CADPS: variants seen among roughly 807,000 people sequenced by gnomAD.
CADPS encodes the protein calcium-dependent secretion activator 1.
CADPS carries 57 observed loss-of-function variants against 167.3 expected under a neutral mutation model. That is an observed-to-expected ratio of 0.34 (90% CI 0.28 to 0.42). CADPS has a LOEUF of 0.42. Among genes scored for constraint, CADPS ranks in the 20% least tolerant of loss-of-function variants. The pLI is 1.00. For synonymous variants in CADPS, 676 were observed against 635.3 expected (o/e 1.06, Z -0.96); for missense variants, 1,414 against 1,738.1 (o/e 0.81, Z 3.32).
chr3:62,702,419 A>C (rs2081563797), intron 3 of CADPS, among the ~76,000 whole-genome samples: 2 of 152,156 alleles, frequency 1.3e-5, no homozygotes, highest in African/African-American at 2.4e-5. Flanking sequence ...GAAGAATGAT[A>C]GTGGAGTTCA....
intron 22 of CADPS, among the ~76,000 whole-genome samples, chr3:62,479,859 G>A (rs533762678): frequency 6.6e-6 from 1 of 152,314 alleles, no homozygotes; most frequent in South Asian, 2.1e-4. Flanking sequence ...TTGTTTCTCC[G>A]TGAAAGTTCA....
chr3:62,825,199 G>T (rs1304341711), intron 1 of CADPS, among the ~76,000 whole-genome samples: 1 of 152,102 alleles, frequency 6.6e-6, no homozygotes, highest in East Asian at 1.9e-4. Flanking sequence ...TTTATTTTAT[G>T]GGTGGGAGGG....
chr3:62,448,188 G>C (rs951407425), intron 26 of CADPS, among the ~76,000 whole-genome samples: 9 of 152,204 alleles, frequency 5.9e-5, no homozygotes, highest in Non-Finnish European at 1.0e-4. Flanking sequence ...AGCATCGGTG[G>C]TCAGAGCAGG....
intron 6 of CADPS, among the ~76,000 whole-genome samples, chr3:62,609,960 G>A (rs1179739157): frequency 6.6e-6 from 1 of 151,934 alleles, no homozygotes; most frequent in Non-Finnish European, 1.5e-5. Context: ...GTGGTGGTCC[G>A]TGCCTATAGT....
chr3:62,643,981 G>A (rs1281859027), intron 6 of CADPS, among the ~76,000 whole-genome samples: 1 of 152,184 alleles, frequency 6.6e-6, no homozygotes, highest in East Asian at 1.9e-4. Context: ...GAGGAAGGGT[G>A]ACGTGTGACA....
intron 1 of CADPS, among the ~76,000 whole-genome samples, chr3:62,788,537 C>A (rs1468645741): frequency 6.6e-6 from 1 of 152,124 alleles, no homozygotes; most frequent in Non-Finnish European, 1.5e-5. Flanking sequence ...GAAGACGTAT[C>A]AGAATGATCT....
chr3:62,553,084 C>T (rs184852967), intron 10 of CADPS, among the ~76,000 whole-genome samples: 3 of 152,246 alleles, frequency 2.0e-5, no homozygotes, highest in Admixed American at 1.3e-4. Context: ...AGCCTAGTCT[C>T]GTGGTATCCT....
At chr3:62,407,877 G>T (rs575391552) in intron 28 of CADPS, among the ~76,000 whole-genome samples, 1 of 152,246 alleles carries the variant, frequency 6.6e-6, no homozygotes, top group South Asian at 2.1e-4. Context: ...GGGACTACAG[G>T]TACAAGCCAC....
intron 21 of CADPS, 144 bp from the exon 22 acceptor site, chr3:62,482,013 C>A: frequency 1.3e-6 from 1 of 774,066 alleles, no homozygotes; most frequent in South Asian, 1.7e-5. Context: ...CAGAAAGCAG[C>A]TTACAGATGG....
chr3:62,483,006 A>G (rs1366512112), intron 21 of CADPS, among the ~76,000 whole-genome samples: 1 of 152,028 alleles, frequency 6.6e-6, no homozygotes, highest in East Asian at 1.9e-4. Context: ...CTTTGGAAGG[A>G]CGGTGTCATA....
chr3:62,626,335 G>T, intron 6 of CADPS: 1 of 465,944 alleles, frequency 2.1e-6, no homozygotes. Flanking sequence ...TTGCAAGCTG[G>T]CACGGATTTA....
chr3:62,637,741 T>C (rs1347080601), intron 6 of CADPS, among the ~76,000 whole-genome samples: 1 of 152,208 alleles, frequency 6.6e-6, no homozygotes, highest in Non-Finnish European at 1.5e-5. Flanking sequence ...GGATGAAAAG[T>C]ACAGGCTTTG....
At chr3:62,680,058 G>T (rs932886194) in intron 3 of CADPS, among the ~76,000 whole-genome samples, 3 of 151,918 alleles carry the variant, frequency 2.0e-5, no homozygotes, top group South Asian at 2.1e-4. Flanking sequence ...GCCACTAAAG[G>T]TTACTTAGGA....
intron 18 of CADPS, among the ~76,000 whole-genome samples, chr3:62,493,884 T>G (rs1313283909): frequency 6.6e-6 from 1 of 152,248 alleles, no homozygotes; most frequent in Non-Finnish European, 1.5e-5. Context: ...GAATGTAGCC[T>G]ATAATTGGAC....
intron 1 of CADPS, among the ~76,000 whole-genome samples, chr3:62,822,878 A>G (rs1250767002): frequency 6.6e-6 from 1 of 152,024 alleles, no homozygotes; most frequent in Non-Finnish European, 1.5e-5. Flanking sequence ...TAAATTAAAA[A>G]AATAAAAGAG....
chr3:62,716,949 T>C (rs1373476969), intron 3 of CADPS, among the ~76,000 whole-genome samples: 1 of 152,212 alleles, frequency 6.6e-6, no homozygotes. Flanking sequence ...ATTAAAAGAC[T>C]AGTGAAGCTC....
rs189890502 is a variant in CADPS, at chr3:62,813,496, A to T, written c.442-47512T>A. 9.5e-3 allele frequency among the ~76,000 whole-genome samples: 1,449 copies of T among 152,260 alleles called. 6 individuals are homozygous for T. Among genetic ancestry groups the T allele is most frequent in the Non-Finnish European group, 0.017 (1,158 of 67,992 alleles). On this transcript the variant is annotated intron_variant, in intron 1 of 29. Coordinates refer to ENST00000383710, the MANE Select transcript of CADPS (RefSeq NM_003716.4). ...TATTAAAGACTTAACTGTAAGTCCTAAAATTATTAAAATCATAGAAGAAAA... is the reference window on the plus strand; with the variant it reads ...TATTAAAGACTTAACTGTAAGTCCTTAAATTATTAAAATCATAGAAGAAAA...
intron 6 of CADPS, among the ~76,000 whole-genome samples, chr3:62,627,574 A>G (rs2064334309): frequency 6.6e-6 from 1 of 152,178 alleles, no homozygotes; most frequent in Non-Finnish European, 1.5e-5. Context: ...CTTTCAGGAT[A>G]ATCTGAGAAT....
intron 3 of CADPS, among the ~76,000 whole-genome samples, chr3:62,688,725 G>C (rs1563867603): frequency 6.6e-6 from 1 of 151,994 alleles, no homozygotes. Flanking sequence ...TTTTGAAAAG[G>C]CTTTTCTCAG....
Sources: allele counts gnomAD v4.1 joint callset (sites outside exome capture counted in the v4.1 genomes callset), GRCh38; gene constraint gnomAD v4.1.1; transcripts MANE v1.5; gene names NCBI Gene and HGNC (gene_info 2026-07-23, HGNC 2026-07-21).